COL22A1: variants seen among roughly 807,000 people sequenced by gnomAD.
COL22A1 encodes collagen type XXII alpha 1 chain.
COL22A1 carries 221 observed loss-of-function variants against 248.9 expected under a neutral mutation model. The ratio of observed to expected loss-of-function variants is 0.89; its 90% confidence interval spans 0.80 to 0.99. The LOEUF is 0.99. Among genes scored for constraint, COL22A1 ranks in the 50% least tolerant of loss-of-function variants. The probability of loss-of-function intolerance (pLI) is 0.00; values close to 1 mark genes in which losing one functional copy is unlikely to be tolerated. For missense variants in COL22A1, 2,240 were observed against 2,179.0 expected (o/e 1.03, Z -0.56); for synonymous variants, 891 against 793.4 (o/e 1.12, Z -2.07).
intron 11 of COL22A1, among the ~76,000 whole-genome samples, chr8:138,798,631 A>G (rs1816754103): frequency 6.6e-6 from 1 of 152,138 alleles, no homozygotes; most frequent in African/African-American, 2.4e-5. Context: ...CCAACCATAC[A>G]TGGTTGTAAT....
At chr8:138,814,241 C>T (rs547956905) in intron 7 of COL22A1, among the ~76,000 whole-genome samples, 2 of 152,376 alleles carry the variant, frequency 1.3e-5, no homozygotes, top group South Asian at 4.1e-4. Flanking sequence ...TCTAGGAAAG[C>T]CCTTGAGCAA....
At chr8:138,795,528 G>GATACACACACAC (rs1816431441) in intron 12 of COL22A1, among the ~76,000 whole-genome samples, 1 of 144,784 alleles carries the variant, frequency 6.9e-6, no homozygotes, top group Non-Finnish European at 1.5e-5. Flanking sequence ...CTCTCTTTCA[G>GATACACACACAC]ACACACACAC....
intron 47 of COL22A1, among the ~76,000 whole-genome samples, chr8:138,638,740 T>C (rs1821414158): frequency 6.6e-6 from 1 of 152,242 alleles, no homozygotes; most frequent in African/African-American, 2.4e-5. Context: ...CTGCAGATCA[T>C]GTTGTAATCA....
At chr8:138,609,500 G>T (rs1235912615) in intron 56 of COL22A1, among the ~76,000 whole-genome samples, 1 of 152,128 alleles carries the variant, frequency 6.6e-6, no homozygotes, top group Non-Finnish European at 1.5e-5. Flanking sequence ...GCCAGGGATC[G>T]CTGAGCTAGT....
chr8:138,797,569 A>C (rs1183443838), intron 11 of COL22A1, among the ~76,000 whole-genome samples: 1 of 152,214 alleles, frequency 6.6e-6, no homozygotes, highest in East Asian at 1.9e-4. Context: ...TTTTGTGTAA[A>C]CATATCTTTG....
At chr8:138,636,503 A>AAGGAC in intron 48 of COL22A1, among the ~76,000 whole-genome samples, 1 of 147,572 alleles carries the variant, frequency 6.8e-6, no homozygotes, top group South Asian at 2.3e-4. Context: ...AAGGAAAGGA[A>AAGGAC]AGGAAAGGAA....
At chr8:138,672,808 A>G (rs1252806588) in intron 41 of COL22A1, among the ~76,000 whole-genome samples, 1 of 152,200 alleles carries the variant, frequency 6.6e-6, no homozygotes. Context: ...CACCTGATCC[A>G]TCAGGAAACT....
chr8:138,812,934 C>T lies in COL22A1; in HGVS notation c.1326+5G>A, dbSNP rs745832788. 1.2e-6 allele frequency: 2 copies of T among 1,609,868 alleles called. No individual in the cohort carries two copies. The highest frequency in any genetic ancestry group is 1.1e-5 in the South Asian group (1 of 90,990). On this transcript the variant is annotated splice_donor_5th_base_variant and intron_variant, in intron 8 of 64. Transcript: ENST00000303045. ...CCCATCCTCTCTGTGCGAGAGTCTGCTCACCGGACCCGAGGGGATATCACA... is the reference window on the plus strand; with the variant it reads ...CCCATCCTCTCTGTGCGAGAGTCTGTTCACCGGACCCGAGGGGATATCACA...
intron 49 of COL22A1, among the ~76,000 whole-genome samples, chr8:138,632,068 G>T (rs973741655): frequency 1.3e-5 from 2 of 152,172 alleles, no homozygotes; most frequent in African/African-American, 4.8e-5. Context: ...TACTAGCTTT[G>T]GTTGAGTCAT....
intron 16 of COL22A1, among the ~76,000 whole-genome samples, chr8:138,771,084 G>T (rs764973072): frequency 6.6e-6 from 1 of 152,236 alleles, no homozygotes; most frequent in Non-Finnish European, 1.5e-5. Context: ...CCCGAGCTGG[G>T]ATTCAAGGGC....
At chr8:138,782,173 T>C (rs1815071415) in intron 12 of COL22A1, among the ~76,000 whole-genome samples, 1 of 152,240 alleles carries the variant, frequency 6.6e-6, no homozygotes, top group African/African-American at 2.4e-5. Flanking sequence ...TCTCTGGCCA[T>C]GGCATGATAC....
chr8:138,613,432 A>G (rs1819059491), intron 56 of COL22A1, among the ~76,000 whole-genome samples: 1 of 152,136 alleles, frequency 6.6e-6, no homozygotes, highest in African/African-American at 2.4e-5. Context: ...CCTCAGAAGG[A>G]ACCAACCCTG....
chr8:138,891,397 C>CTGGTCT (rs1825059602), intron 1 of COL22A1, among the ~76,000 whole-genome samples: 1 of 152,202 alleles, frequency 6.6e-6, no homozygotes, highest in Admixed American at 6.5e-5. Context: ...GTAATGACAG[C>CTGGTCT]TGGTCTTGGC....
chr8:138,840,534 TACACACACAC>T (rs34512818), intron 4 of COL22A1, among the ~76,000 whole-genome samples: 1 of 149,056 alleles, frequency 6.7e-6, no homozygotes, highest in Non-Finnish European at 1.5e-5. Context: ...CATGTGTGAG[TACACACACAC>T]ACACACACAC....
chr8:138,892,131 G>C (rs948277622), intron 1 of COL22A1, among the ~76,000 whole-genome samples: 3 of 152,066 alleles, frequency 2.0e-5, no homozygotes, highest in Admixed American at 1.3e-4. Flanking sequence ...TTGGTATTAG[G>C]GCCATGCTGG....
chr8:138,720,482 G>T (rs554076608), intron 27 of COL22A1, among the ~76,000 whole-genome samples: 2 of 152,188 alleles, frequency 1.3e-5, no homozygotes, highest in African/African-American at 2.4e-5. Context: ...TCCAGCTGCA[G>T]ATCTTGGTTC....
intron 4 of COL22A1, among the ~76,000 whole-genome samples, chr8:138,836,623 A>G (rs1329745103): frequency 6.6e-6 from 1 of 152,140 alleles, no homozygotes; most frequent in African/African-American, 2.4e-5. Flanking sequence ...TGACACCAAT[A>G]TCCTGTGATC....
intron 16 of COL22A1, among the ~76,000 whole-genome samples, chr8:138,773,221 C>T (rs985867614): frequency 1.3e-5 from 2 of 152,204 alleles, no homozygotes; most frequent in African/African-American, 4.8e-5. Context: ...CCTGAGTGGC[C>T]TTCCCCTGAC....
At chr8:138,602,748 G>A (rs1330401927) in intron 59 of COL22A1, among the ~76,000 whole-genome samples, 8 of 152,164 alleles carry the variant, frequency 5.3e-5, no homozygotes, top group East Asian at 1.9e-4. Flanking sequence ...CAAGGGACAC[G>A]GCCCACAGTG....
Sources: allele counts gnomAD v4.1 joint callset (sites outside exome capture counted in the v4.1 genomes callset), GRCh38; gene constraint gnomAD v4.1.1; transcripts MANE v1.5; gene names NCBI Gene and HGNC (gene_info 2026-07-23, HGNC 2026-07-21).